Variants in FNDC3B observed in about 807,000 individuals in gnomAD.
FNDC3B encodes fibronectin type III domain-containing protein 3B.
A neutral mutation model predicts 151.5 loss-of-function variants in FNDC3B; 12 were observed. The observed-to-expected ratio is 0.08, with a 90% confidence interval of 0.05 to 0.13. The LOEUF (loss-of-function observed/expected upper bound fraction) is 0.13. FNDC3B is among the 10% of genes least tolerant of loss of function. FNDC3B has a pLI of 1.00. For missense variants in FNDC3B, 1,214 were observed against 1,505.3 expected (o/e 0.81, Z 3.20); for synonymous variants, 528 against 549.0 (o/e 0.96, Z 0.54).
At chr3:172,191,659 G>A (rs966611358) in intron 3 of FNDC3B, among the ~76,000 whole-genome samples, 1 of 152,042 alleles carries the variant, frequency 6.6e-6, no homozygotes, top group African/African-American at 2.4e-5. Context: ...ACCATGCCTG[G>A]CTAATTTTTA....
chr3:172,294,698 A>T (rs1300066194), intron 7 of FNDC3B, among the ~76,000 whole-genome samples: 2 of 152,098 alleles, frequency 1.3e-5, no homozygotes, highest in African/African-American at 4.8e-5. Flanking sequence ...CCTTATAAAC[A>T]CCTCTGGAAG....
At chr3:172,177,826 A>G (rs889382927) in intron 3 of FNDC3B, among the ~76,000 whole-genome samples, 1 of 151,620 alleles carries the variant, frequency 6.6e-6, no homozygotes, top group Non-Finnish European at 1.5e-5. Context: ...TGCATTAGTT[A>G]TTTGTCCTGA....
In FNDC3B at chr3:172,174,933, A is replaced by ACCC. The variant is rs1269639185; in HGVS notation, c.187+41398_187+41400dup. ...GGACTTTGGAGACCTTCCCCCCGCCACCCCCCCCCCCCCAATACAATTTGC... is the reference window on the plus strand; with the variant it reads ...GGACTTTGGAGACCTTCCCCCCGCCACCCCCCCCCCCCCCCCAATACAATTTGC... On this transcript the variant is annotated intron_variant, in intron 3 of 25. Coordinates refer to ENST00000415807, the MANE Select transcript of FNDC3B (RefSeq NM_022763.4). Among the ~76,000 whole-genome samples the ACCC allele has an allele frequency of 8.2e-4, 15 of 18,312 alleles. 1 individual carries two copies. The highest frequency in any genetic ancestry group is 2.1e-3 in the African/African-American group (12 of 5,818). 12.0% of individuals were successfully genotyped at this position (18,312 alleles called of 152,430 possible). A position where few individuals can be genotyped will look rare whatever the true frequency, so the allele number is the denominator to read the frequency against.
intron 5 of FNDC3B, among the ~76,000 whole-genome samples, chr3:172,250,971 C>A (rs894110765): frequency 2.1e-4 from 32 of 152,146 alleles, no homozygotes; most frequent in African/African-American, 7.7e-4. Flanking sequence ...CGCCTACCAC[C>A]ACGCCTGGCT....
chr3:172,361,098 C>G (rs965319564), intron 22 of FNDC3B, among the ~76,000 whole-genome samples: 1 of 152,126 alleles, frequency 6.6e-6, no homozygotes, highest in African/African-American at 2.4e-5. Context: ...TCCTAGGCCT[C>G]TGGAGGAGAG....
chr3:172,358,958 T>TGGG (rs1230597731), intron 22 of FNDC3B, among the ~76,000 whole-genome samples: 106 of 4,226 alleles, frequency 0.025, no homozygotes, highest in East Asian at 0.12. Context: ...GTTTTCTTGG[T>TGGG]GGTGGTGGTG....
chr3:172,322,472 C>T (rs1215538838), intron 11 of FNDC3B, among the ~76,000 whole-genome samples: 1 of 152,184 alleles, frequency 6.6e-6, no homozygotes, highest in Non-Finnish European at 1.5e-5. Context: ...GGGACATAGA[C>T]TTAGACTTTG....
chr3:172,266,347 T>A (rs1377631961), intron 6 of FNDC3B, among the ~76,000 whole-genome samples: 1 of 152,218 alleles, frequency 6.6e-6, no homozygotes, highest in African/African-American at 2.4e-5. Context: ...GCTTCTTTTT[T>A]TTCCCCCATA....
intron 3 of FNDC3B, among the ~76,000 whole-genome samples, chr3:172,194,126 A>G (rs955706312): frequency 5.3e-5 from 8 of 152,174 alleles, no homozygotes; most frequent in Non-Finnish European, 1.2e-4. Flanking sequence ...AGGCTGAGGC[A>G]GGAGAACGGC....
At chr3:172,179,901 AT>A (rs1486759286) in intron 3 of FNDC3B, among the ~76,000 whole-genome samples, 2 of 146,888 alleles carry the variant, frequency 1.4e-5, no homozygotes, top group African/African-American at 5.1e-5. Context: ...TAAACAGGTA[AT>A]TTTACTGGGC....
At chr3:172,107,798 A>G (rs1367396305) in intron 1 of FNDC3B, among the ~76,000 whole-genome samples, 2 of 152,224 alleles carry the variant, frequency 1.3e-5, no homozygotes, top group African/African-American at 4.8e-5. Context: ...GTAACTGACA[A>G]TCTGGCCGCT....
At chr3:172,090,421 A>AAAACAAAC (rs1419258161) in intron 1 of FNDC3B, among the ~76,000 whole-genome samples, 13 of 113,344 alleles carry the variant, frequency 1.1e-4, no homozygotes, top group African/African-American at 3.9e-4. Flanking sequence ...GCTGTGACCA[A>AAAACAAAC]AAATAAACAA....
At chr3:172,065,461 G>C (rs79232372) in intron 1 of FNDC3B, among the ~76,000 whole-genome samples, 1 of 152,172 alleles carries the variant, frequency 6.6e-6, no homozygotes, top group Non-Finnish European at 1.5e-5. Context: ...TACTTCCTGT[G>C]TGTGAAATAG....
chr3:172,236,742 A>AG (rs1183412173), intron 4 of FNDC3B, among the ~76,000 whole-genome samples: 1 of 152,134 alleles, frequency 6.6e-6, no homozygotes, highest in African/African-American at 2.4e-5. Flanking sequence ...TAGCTAACTG[A>AG]GGGCTCATCC....
intron 4 of FNDC3B, among the ~76,000 whole-genome samples, chr3:172,233,555 G>A (rs1490613810): frequency 2.0e-5 from 3 of 152,228 alleles, no homozygotes; most frequent in Non-Finnish European, 4.4e-5. Context: ...AGTGGGGCCT[G>A]TTAGGTGGAA....
chr3:172,055,380 C>A (rs765092517), intron 1 of FNDC3B, among the ~76,000 whole-genome samples: 1 of 152,088 alleles, frequency 6.6e-6, no homozygotes, highest in African/African-American at 2.4e-5. Flanking sequence ...TATTGACACC[C>A]GTGGCAATCT....
At chr3:172,227,597 T>A (rs549814640) in intron 4 of FNDC3B, among the ~76,000 whole-genome samples, 2 of 152,374 alleles carry the variant, frequency 1.3e-5, no homozygotes, top group African/African-American at 4.8e-5. Flanking sequence ...TGTGGACATC[T>A]GTATATACTT....
At chr3:172,239,913 G>A (rs1289927075) in intron 4 of FNDC3B, among the ~76,000 whole-genome samples, 2 of 113,100 alleles carry the variant, frequency 1.8e-5, no homozygotes, top group Non-Finnish European at 3.3e-5. Flanking sequence ...CTGTCACCCA[G>A]GCTGGAATGC....
intron 3 of FNDC3B, among the ~76,000 whole-genome samples, chr3:172,174,178 A>G (rs1315617514): frequency 6.6e-6 from 1 of 152,106 alleles, no homozygotes; most frequent in Non-Finnish European, 1.5e-5. Flanking sequence ...TCATTATTGA[A>G]CCTGTTAGGA....
Sources: allele counts gnomAD v4.1 joint callset (sites outside exome capture counted in the v4.1 genomes callset), GRCh38; gene constraint gnomAD v4.1.1; transcripts MANE v1.5; gene names NCBI Gene and HGNC (gene_info 2026-07-23, HGNC 2026-07-21).